The following PDS5B variants were observed in gnomAD, a reference collection of about 807,000 sequenced individuals.
PDS5B encodes the protein PDS5 cohesin associated factor B.
In PDS5B, 51 loss-of-function variants were observed where a neutral mutation model predicts 184.1. That is an observed-to-expected ratio of 0.28 (90% CI 0.22 to 0.35). The LOEUF is 0.35. Among genes scored for constraint, PDS5B ranks in the 10% least tolerant of loss-of-function variants. The pLI, the probability that PDS5B is intolerant of heterozygous loss-of-function variation, is 1.00. For missense variants in PDS5B, 1,180 were observed against 1,723.3 expected (o/e 0.68, Z 5.58); for synonymous variants, 566 against 569.2 (o/e 0.99, Z 0.08).
intron 16 of PDS5B, chr13:32,701,025 A>G (rs995700120): frequency 1.7e-5 from 3 of 174,194 alleles, no homozygotes; most frequent in African/African-American, 7.1e-5. Flanking sequence ...TTCTTTTGGA[A>G]TATTTTTGAT....
At chr13:32,674,858 T>G (rs1951024628) in intron 8 of PDS5B, among the ~76,000 whole-genome samples, 1 of 151,892 alleles carries the variant, frequency 6.6e-6, no homozygotes, top group African/African-American at 2.4e-5. Flanking sequence ...TTGTTAAGCC[T>G]TAAAGAAATA....
chr13:32,719,940 G>A (rs958687307), intron 19 of PDS5B, among the ~76,000 whole-genome samples: 1 of 152,034 alleles, frequency 6.6e-6, no homozygotes, highest in East Asian at 1.9e-4. Context: ...ACAGGCGTGT[G>A]CCACCACCCC....
At chr13:32,716,276 C>T (rs1167363850) in intron 19 of PDS5B, among the ~76,000 whole-genome samples, 3 of 152,054 alleles carry the variant, frequency 2.0e-5, no homozygotes, top group African/African-American at 7.2e-5. Context: ...GCCTGGCCTC[C>T]CATCCTCTGA....
chr13:32,629,134 C>T (rs910924827), intron 1 of PDS5B, among the ~76,000 whole-genome samples: 1 of 152,180 alleles, frequency 6.6e-6, no homozygotes, highest in East Asian at 1.9e-4. Context: ...ACCCATCACT[C>T]AATTCAGCCA....
chr13:32,663,235 C>G (rs757485924), intron 6 of PDS5B, among the ~76,000 whole-genome samples: 1 of 151,796 alleles, frequency 6.6e-6, no homozygotes, highest in Non-Finnish European at 1.5e-5. Flanking sequence ...TCCTAACTTT[C>G]AGCACACTTC....
At chr13:32,769,512 T>G (rs1231572443) in intron 31 of PDS5B, among the ~76,000 whole-genome samples, 1 of 152,226 alleles carries the variant, frequency 6.6e-6, no homozygotes, top group Non-Finnish European at 1.5e-5. Flanking sequence ...ATTTTAAATG[T>G]GAAAGCCACT....
intron 23 of PDS5B, among the ~76,000 whole-genome samples, chr13:32,743,441 G>A (rs1409064392): frequency 6.6e-6 from 1 of 152,100 alleles, no homozygotes; most frequent in Non-Finnish European, 1.5e-5. Context: ...TAGAAGCATT[G>A]ATGATAATGG....
At chr13:32,739,088 C>T (rs954795987) in intron 21 of PDS5B, among the ~76,000 whole-genome samples, 2 of 152,108 alleles carry the variant, frequency 1.3e-5, no homozygotes, top group Admixed American at 6.5e-5. Flanking sequence ...TGAAAATAGC[C>T]TCCCATATGT....
At chr13:32,681,675 A>G (rs958442231) in intron 10 of PDS5B, among the ~76,000 whole-genome samples, 5 of 150,734 alleles carry the variant, frequency 3.3e-5, no homozygotes, top group South Asian at 2.1e-4. Context: ...TTTCAATCAC[A>G]TCTTCAATTA....
rs185329589 is a variant in PDS5B, at chr13:32,724,039, G to A, written c.2124-8062G>A. On this transcript the variant is annotated intron_variant, in intron 19 of 34. Coordinates refer to ENST00000315596, the MANE Select transcript of PDS5B (RefSeq NM_015032.4). ...TTGAAGGCAAATCCCAGATACTGTC[G>A]TTTCATCTGTATATCTTTATCCCAA... 2.4e-3 allele frequency among the ~76,000 whole-genome samples: 361 copies of A among 152,220 alleles called. 2 individuals carry two copies. Among genetic ancestry groups the A allele is most frequent in the African/African-American group, 6.7e-3 (280 of 41,540 alleles).
chr13:32,601,876 G>C (rs1430105002), intron 1 of PDS5B, among the ~76,000 whole-genome samples: 2 of 152,088 alleles, frequency 1.3e-5, no homozygotes, highest in African/African-American at 4.8e-5. Context: ...TTAATAAGTT[G>C]GTTATTTTGT....
At chr13:32,639,216 G>T (rs1205286010) in intron 1 of PDS5B, among the ~76,000 whole-genome samples, 2 of 152,232 alleles carry the variant, frequency 1.3e-5, no homozygotes, top group East Asian at 3.9e-4. Flanking sequence ...AGGGCCTGGG[G>T]CTCCTTTTCT....
chr13:32,619,467 G>T (rs1319293285), intron 1 of PDS5B, among the ~76,000 whole-genome samples: 1 of 152,178 alleles, frequency 6.6e-6, no homozygotes, highest in Non-Finnish European at 1.5e-5. Flanking sequence ...GATAAAAAAT[G>T]TAGAGCACTT....
At chr13:32,652,490 C>T (rs1329049547) in intron 3 of PDS5B, 1 of 151,188 alleles carries the variant, frequency 6.6e-6, no homozygotes, top group East Asian at 1.9e-4. Flanking sequence ...GTAATCCCAG[C>T]ACTGTGGGAG....
chr13:32,659,564 A>G (rs1000100665), intron 6 of PDS5B, among the ~76,000 whole-genome samples: 13 of 152,202 alleles, frequency 8.5e-5, no homozygotes, highest in African/African-American at 2.9e-4. Context: ...AGATGCTGTT[A>G]CATAACTTAC....
chr13:32,721,976 A>G (rs371232847), intron 19 of PDS5B, among the ~76,000 whole-genome samples: 7 of 152,306 alleles, frequency 4.6e-5, no homozygotes, highest in Admixed American at 3.3e-4. Context: ...AGAGGCTGCA[A>G]TCTCAGCACT....
chr13:32,675,999 T>C, intron 9 of PDS5B, 40 bp downstream of exon 9: 1 of 1,103,892 alleles, frequency 9.1e-7, no homozygotes. Context: ...TAATACATTA[T>C]TCTACTGACC....
chr13:32,745,732 A>G (rs1953718782), intron 23 of PDS5B, among the ~76,000 whole-genome samples: 1 of 152,070 alleles, frequency 6.6e-6, no homozygotes, highest in Admixed American at 6.6e-5. Context: ...CTTTTTAAAG[A>G]CACTAATCCC....
intron 31 of PDS5B, among the ~76,000 whole-genome samples, chr13:32,765,793 G>A (rs1954566780): frequency 6.6e-6 from 1 of 152,180 alleles, no homozygotes; most frequent in Non-Finnish European, 1.5e-5. Flanking sequence ...TTAAAGGCGG[G>A]GTTTCACCAT....
Sources: allele counts gnomAD v4.1 joint callset (sites outside exome capture counted in the v4.1 genomes callset), GRCh38; gene constraint gnomAD v4.1.1; transcripts MANE v1.5; gene names NCBI Gene and HGNC (gene_info 2026-07-23, HGNC 2026-07-21).